ZNF227: variants seen among roughly 807,000 people sequenced by gnomAD.
The protein encoded by ZNF227 is zinc finger protein 227.
Under a neutral mutation model 13.2 loss-of-function variants are expected in ZNF227, and 12 were observed. That is an observed-to-expected ratio of 0.91 (90% CI 0.58 to 1.47). ZNF227 has a LOEUF of 1.47. ZNF227 is among the 40% of genes most tolerant of loss of function. The probability of loss-of-function intolerance (pLI) is 0.00; values close to 1 mark genes in which losing one functional copy is unlikely to be tolerated. For synonymous variants in ZNF227, 338 were observed against 326.0 expected (o/e 1.04, Z -0.40); for missense variants, 885 against 967.5 (o/e 0.91, Z 1.13).
chr19:44,215,294 G>C (rs571798086), intron 2 of ZNF227, among the ~76,000 whole-genome samples: 61 of 151,658 alleles, frequency 4.0e-4, no homozygotes, highest in South Asian at 2.7e-3. Context: ...AGCCTCCCGA[G>C]TAGCTGAGGT....
At chr19:44,229,935 T>C (rs2122879013) in intron 5 of ZNF227, 119 bp downstream of exon 5, 1 of 558,320 alleles carries the variant, frequency 1.8e-6, no homozygotes, top group Non-Finnish European at 2.8e-6. Flanking sequence ...ATTATAACAA[T>C]AGCTTCCATG....
chr19:44,212,639 TG>T (rs1971451520), intron 1 of ZNF227, 54 bp downstream of exon 1: 1 of 152,044 alleles, frequency 6.6e-6, no homozygotes, highest in South Asian at 2.1e-4. Flanking sequence ...AGCCTGTGCT[TG>T]GGAATAGGCG....
intron 5 of ZNF227, 33 bp from the exon 6 acceptor site, chr19:44,234,669 T>A (rs1210137778): frequency 1.3e-6 from 2 of 1,529,442 alleles, no homozygotes; most frequent in Non-Finnish European, 8.8e-7. Context: ...ACTGCCCTCA[T>A]CTCTAAATAT....
At chr19:44,217,077 C>G (rs1310333955) in intron 2 of ZNF227, among the ~76,000 whole-genome samples, 2 of 151,080 alleles carry the variant, frequency 1.3e-5, no homozygotes, top group Non-Finnish European at 2.9e-5. Flanking sequence ...ATTCTCATGC[C>G]TCAGCCTCCC....
chr19:44,208,549 C>G (rs541559311), upstream of ZNF227, among the ~76,000 whole-genome samples: 4 of 152,126 alleles, frequency 2.6e-5, no homozygotes, highest in South Asian at 8.3e-4. Context: ...AATTTACATG[C>G]GTATCAAAAG....
chr19:44,230,310 C>G (rs1026391834), intron 5 of ZNF227, among the ~76,000 whole-genome samples: 8 of 152,102 alleles, frequency 5.3e-5, no homozygotes, highest in African/African-American at 1.9e-4. Context: ...TTGCCGCACC[C>G]GGCCCAGAAT....
intron 3 of ZNF227, among the ~76,000 whole-genome samples, chr19:44,224,673 G>A (rs1291575323): frequency 1.3e-5 from 2 of 152,096 alleles, no homozygotes; most frequent in African/African-American, 2.4e-5. Context: ...CTGCACGTGA[G>A]ATGGGTTTCC....
intron 5 of ZNF227, among the ~76,000 whole-genome samples, chr19:44,230,926 A>AAAAAAAATATATATATATATATATAT (rs1555792168): frequency 1.5e-5 from 1 of 68,134 alleles, no homozygotes; most frequent in African/African-American, 9.8e-5. Flanking sequence ...AAAAAAAAAA[A>AAAAAAAATATATATATATATATATAT]ATATATATAT....
chr19:44,234,076 T>C (rs921683253), intron 5 of ZNF227, among the ~76,000 whole-genome samples: 2 of 152,166 alleles, frequency 1.3e-5, no homozygotes, highest in Non-Finnish European at 2.9e-5. Flanking sequence ...CTCCCTCTCT[T>C]CGTCTTCTGT....
chr19:44,221,827 A>G (rs1157562201), intron 3 of ZNF227, among the ~76,000 whole-genome samples: 1 of 152,188 alleles, frequency 6.6e-6, no homozygotes, highest in African/African-American at 2.4e-5. Flanking sequence ...TTAGACATGA[A>G]GTCCTTGCCC....
intron 2 of ZNF227, 119 bp from the exon 3 acceptor site, chr19:44,217,672 C>G: frequency 9.3e-7 from 1 of 1,078,554 alleles, no homozygotes; most frequent in Non-Finnish European, 1.4e-6. Context: ...CCATGTTCTG[C>G]TTACCAAGCT....
At chr19:44,227,467 C>G (rs1973300080) in intron 3 of ZNF227, 2 of 152,290 alleles carry the variant, frequency 1.3e-5, no homozygotes, top group South Asian at 4.1e-4. Flanking sequence ...AGGCTGGTCT[C>G]AAACTCCTGG....
intron 5 of ZNF227, among the ~76,000 whole-genome samples, chr19:44,230,929 ATAT>A (rs1568609909): frequency 2.3e-4 from 16 of 70,644 alleles, no homozygotes; most frequent in African/African-American, 6.4e-4. Context: ...AAAAAAAAAT[ATAT>A]ATATATATAT....
chr19:44,217,462 G>A (rs746243393), intron 2 of ZNF227: 2 of 536,240 alleles, frequency 3.7e-6, no homozygotes, highest in Admixed American at 2.2e-5. Flanking sequence ...TATCCCCAAG[G>A]TTACACAGCT....
At position 44,228,381 on chromosome 19, in the gene ZNF227, G is replaced by C; in HGVS notation, c.61-65G>C. 6.4e-7 allele frequency: 1 copy of C among 1,553,468 alleles called. No homozygotes were observed. The highest frequency in any genetic ancestry group is 8.7e-7 in the Non-Finnish European group (1 of 1,153,738). ...TTTTTGTGGTGCTCTTTTCCTTCTTGATGCCACCCTTCTTCTAGTGAAGGT... is the reference window on the plus strand; with the variant it reads ...TTTTTGTGGTGCTCTTTTCCTTCTTCATGCCACCCTTCTTCTAGTGAAGGT... On this transcript the variant is annotated intron_variant, in intron 3 of 5. Transcript: ENST00000313040.
In ZNF227 at chr19:44,235,216, C is replaced by A; in HGVS notation, c.786C>A (p.Ser262Arg). 1 of 1,613,948 alleles carries A rather than the reference C, an allele frequency of 6.2e-7. No individual in the cohort carries two copies. The highest frequency in any genetic ancestry group is 2.2e-5 in the East Asian group (1 of 44,854). ...AGTGTGGAAGGGGCTTCAGTTATAG[C>A]CCAAGGCTTCCCCTTCATCCGAATG... ...CGECGRGFSY[S>R]PRLPLHPNVH... Residue 262 changes from serine to arginine, a missense_variant, in exon 6 of 6, where the codon AGC becomes AGA. Ser to Arg is a moderately radical substitution (Grantham distance 110). Transcript: ENST00000313040.
rs776197649 is a variant in ZNF227 at position 44,226,056 on chromosome 19, GCAGCGGTGGCTGCAGAA to G, written c.61-2377_61-2361del. Among the ~76,000 whole-genome samples the G allele has an allele frequency of 3.7e-4, 57 of 152,332 alleles. 1 individual carries two copies. Among genetic ancestry groups the G allele is most frequent in the Non-Finnish European group, 5.9e-4 (40 of 68,032 alleles). ...CCAGACCCTTTTTGCCTGGGTATCA[GCAGCGGTGGCTGCAGAA>G]CAGCGGTGGCTGTAGAACAGCAGAT... On this transcript the variant is annotated intron_variant, in intron 3 of 5. Transcript: ENST00000313040.
chr19:44,236,206 T>C lies in ZNF227; in HGVS notation c.1776T>C (p.His592=), dbSNP rs968867846. 1 of 1,613,968 alleles carries C rather than the reference T, an allele frequency of 6.2e-7. No homozygotes were observed. ...GCTTCAGTTGGAGATCAAATCTTCA[T>C]GCACATCAAAGAGTTCACTCAGGAG... The part of the protein sequence containing the change: ...GKGFSWRSNL[H]AHQRVHSGEK... The change falls in exon 6 of 6, where the codon CAT becomes CAC. Residue 592 remains histidine (H), a synonymous_variant. Coordinates refer to ENST00000313040, the MANE Select transcript of ZNF227 (RefSeq NM_182490.3).
intron 3 of ZNF227, among the ~76,000 whole-genome samples, chr19:44,226,457 C>T (rs138250730): frequency 0.025 from 3,808 of 152,318 alleles, 67 homozygotes; most frequent in Non-Finnish European, 0.037. Flanking sequence ...GCTTTGTTTA[C>T]CTAATCAAGC....
Sources: gnomAD v4.1 joint callset for allele counts (sites outside exome capture counted in the v4.1 genomes callset) on GRCh38, gnomAD v4.1.1 for gene constraint, MANE v1.5 for transcripts, NCBI Gene and HGNC (gene_info 2026-07-23, HGNC 2026-07-21) for gene names.